The following AGMO variants were observed in gnomAD, a reference collection of about 807,000 sequenced individuals.
The protein encoded by AGMO is glyceryl-ether monooxygenase.
Under a neutral mutation model 60.2 loss-of-function variants are expected in AGMO, and 75 were observed. The observed-to-expected ratio is 1.25, with a 90% CI of 1.03 to 1.51. AGMO has a LOEUF of 1.51. AGMO is among the 40% of genes most tolerant of loss of function. AGMO has a pLI of 0.00. For missense variants in AGMO, 763 were observed against 525.5 expected, an observed-to-expected ratio of 1.45 and a Z score of -4.42; for synonymous variants, 261 against 177.1, an observed-to-expected ratio of 1.47 and a Z score of -3.76.
intron 12 of AGMO, among the ~76,000 whole-genome samples, chr7:15,209,916 TTACA>T (rs1395390463): frequency 6.6e-6 from 1 of 152,100 alleles, no homozygotes; most frequent in Non-Finnish European, 1.5e-5. Context: ...TAGGTACTGA[TTACA>T]TAAACACTAC....
intron 12 of AGMO, among the ~76,000 whole-genome samples, chr7:15,310,202 T>C (rs542535630): frequency 1.3e-5 from 2 of 152,168 alleles, no homozygotes; most frequent in South Asian, 2.1e-4. Context: ...GATTCAGTAA[T>C]GTTATTTAAA....
intron 12 of AGMO, among the ~76,000 whole-genome samples, chr7:15,335,545 A>C (rs1489083913): frequency 6.6e-6 from 1 of 152,114 alleles, no homozygotes; most frequent in African/African-American, 2.4e-5. Context: ...GCTTACTTGG[A>C]TAGAAATCCG....
chr7:15,526,754 T>C (rs1193142859), intron 3 of AGMO, among the ~76,000 whole-genome samples: 3 of 152,198 alleles, frequency 2.0e-5, no homozygotes, highest in Non-Finnish European at 2.9e-5. Flanking sequence ...TTTTGCAAAT[T>C]GAAGGTTTGT....
intron 3 of AGMO, among the ~76,000 whole-genome samples, chr7:15,434,933 T>C (rs1030329713): frequency 1.3e-5 from 2 of 151,286 alleles, no homozygotes; most frequent in African/African-American, 4.9e-5. Flanking sequence ...CTTTTTTGAG[T>C]GTATCCTATC....
intron 10 of AGMO, among the ~76,000 whole-genome samples, chr7:15,381,866 T>C (rs1024078046): frequency 6.6e-6 from 1 of 152,292 alleles, no homozygotes; most frequent in South Asian, 2.1e-4. Context: ...GTCATGTCCT[T>C]TGCATGAACA....
chr7:15,187,464 G>A, the AGMO span, among the ~76,000 whole-genome samples: 8 of 152,180 alleles, frequency 5.3e-5, no homozygotes, highest in African/African-American at 1.9e-4. Context: ...GGCAGCATCT[G>A]TATTTCACAC....
intron 12 of AGMO, among the ~76,000 whole-genome samples, chr7:15,284,345 A>G (rs539028099): frequency 1.3e-5 from 2 of 152,236 alleles, no homozygotes; most frequent in South Asian, 4.1e-4. Context: ...AGATTAATCA[A>G]GAAGAGAGAG....
intron 12 of AGMO, among the ~76,000 whole-genome samples, chr7:15,268,624 G>GAA (rs1321349068): frequency 6.6e-6 from 1 of 151,954 alleles, no homozygotes; most frequent in Non-Finnish European, 1.5e-5. Flanking sequence ...ATTGAGTGTG[G>GAA]AAATTTTCTG....
chr7:15,161,486 G>T, the AGMO span, among the ~76,000 whole-genome samples: 7 of 150,450 alleles, frequency 4.7e-5, no homozygotes, highest in African/African-American at 1.7e-4. Context: ...GTATATGCTT[G>T]TATAAATACA....
intron 12 of AGMO, among the ~76,000 whole-genome samples, chr7:15,328,911 T>C (rs1020554034): frequency 8.5e-5 from 13 of 152,096 alleles, no homozygotes; most frequent in African/African-American, 2.9e-4. Flanking sequence ...CATCTTTCCA[T>C]ACCAGGTCTT....
At chr7:15,153,441 C>G in the AGMO span, among the ~76,000 whole-genome samples, 1 of 152,028 alleles carries the variant, frequency 6.6e-6, no homozygotes, top group Non-Finnish European at 1.5e-5. Context: ...AAGGGTTTTT[C>G]CAATGTTATC....
the AGMO span, among the ~76,000 whole-genome samples, chr7:15,160,872 G>T: frequency 6.6e-6 from 1 of 152,196 alleles, no homozygotes; most frequent in Admixed American, 6.5e-5. Context: ...AATTTACAAT[G>T]AACAAAAATT....
intron 10 of AGMO, among the ~76,000 whole-genome samples, chr7:15,376,307 A>C (rs1407368741): frequency 6.6e-6 from 1 of 152,102 alleles, no homozygotes; most frequent in African/African-American, 2.4e-5. Flanking sequence ...AACTTTCATG[A>C]AGAACCTAAG....
intron 10 of AGMO, among the ~76,000 whole-genome samples, chr7:15,382,873 C>T (rs959630925): frequency 6.6e-6 from 1 of 152,086 alleles, no homozygotes; most frequent in Non-Finnish European, 1.5e-5. Context: ...TGATTAGATA[C>T]TTTGTTTGAA....
chr7:15,318,010 AT>A (rs5882495), intron 12 of AGMO, among the ~76,000 whole-genome samples: 48,005 of 137,668 alleles, frequency 0.35, 9,445 homozygotes, highest in East Asian at 0.5. Flanking sequence ...ATATACATAT[AT>A]TTTTTTTTTT....
chr7:15,330,926 A>C (rs1456110444), intron 12 of AGMO, among the ~76,000 whole-genome samples: 1 of 152,070 alleles, frequency 6.6e-6, no homozygotes, highest in Non-Finnish European at 1.5e-5. Flanking sequence ...GTGAATTGGG[A>C]CTAGGTTTGT....
At position 15,561,890 on chromosome 7, in the gene AGMO, A is replaced by G. The variant is rs757159796; in HGVS notation, c.-45T>C. 2 of 1,558,550 alleles carry G rather than the reference A, an allele frequency of 1.3e-6. No individual in the cohort carries two copies. Among genetic ancestry groups the G allele is most frequent in the Non-Finnish European group, 1.7e-6 (2 of 1,148,222 alleles). ...CCAGCTGGAGAATATTTAGGATTCA[A>G]TGCTTGAAGCCTGAGGCTGAACAAA... On this transcript the variant is annotated 5_prime_UTR_variant, in exon 1 of 13. Coordinates refer to ENST00000342526, the MANE Select transcript of AGMO (RefSeq NM_001004320.2).
intron 12 of AGMO, among the ~76,000 whole-genome samples, chr7:15,316,869 G>A (rs984706164): frequency 1.3e-5 from 2 of 152,120 alleles, no homozygotes; most frequent in Non-Finnish European, 2.9e-5. Flanking sequence ...TAGACAGTAT[G>A]TAGACGTCAT....
intron 12 of AGMO, among the ~76,000 whole-genome samples, chr7:15,264,076 A>T (rs923769519): frequency 2.0e-5 from 3 of 151,852 alleles, no homozygotes; most frequent in Non-Finnish European, 4.4e-5. Context: ...AAAAATGAAA[A>T]ATTTATAAAA....
Sources: gnomAD v4.1 joint callset for allele counts (sites outside exome capture counted in the v4.1 genomes callset) on GRCh38, gnomAD v4.1.1 for gene constraint, MANE v1.5 for transcripts, NCBI Gene and HGNC (gene_info 2026-07-23, HGNC 2026-07-21) for gene names.